GRM1: variants seen among roughly 807,000 people sequenced by gnomAD.
GRM1 encodes the protein glutamate metabotropic receptor 1.
In GRM1, 33 loss-of-function variants were observed where a neutral mutation model predicts 90.9. That is an observed-to-expected ratio of 0.36 (90% CI 0.28 to 0.49). The LOEUF (loss-of-function observed/expected upper bound fraction) is 0.49. GRM1 is among the 20% of genes least tolerant of loss of function. GRM1 has a pLI of 0.99. For missense variants in GRM1, 1,190 were observed against 1,534.3 expected (o/e 0.78, Z 3.75); for synonymous variants, 700 against 613.2 (o/e 1.14, Z -2.09).
intron 2 of GRM1, among the ~76,000 whole-genome samples, chr6:146,250,626 A>G (rs1488424616): frequency 1.3e-5 from 2 of 152,216 alleles, no homozygotes; most frequent in Non-Finnish European, 2.9e-5. Flanking sequence ...GTGTTTTCAC[A>G]CTGCTATAAA....
intron 5 of GRM1, among the ~76,000 whole-genome samples, chr6:146,368,173 C>T (rs1277058998): frequency 1.4e-5 from 2 of 147,710 alleles, no homozygotes; most frequent in Admixed American, 6.8e-5. Flanking sequence ...TCACTATTGG[C>T]ATATAGACAT....
intron 1 of GRM1, among the ~76,000 whole-genome samples, chr6:146,142,490 T>A (rs1776917007): frequency 6.6e-6 from 1 of 152,024 alleles, no homozygotes; most frequent in African/African-American, 2.4e-5. Flanking sequence ...GGGTGATGAG[T>A]TCCCCCAGGC....
Position 146,397,135 on chromosome 6 carries a change from G to A in GRM1, c.1730-1634G>A, listed in dbSNP as rs531118300. On this transcript the variant is annotated intron_variant, in intron 6 of 7. Transcript: ENST00000282753. The stretch of plus-strand genomic sequence containing the variant: ...GAGTCTTCAAAATTATCTTGGTGAA[G>A]CCTCTAGAAATATGAAACATGGTGA... Among the ~76,000 whole-genome samples the A allele has an allele frequency of 3.0e-4, 45 of 152,260 alleles. 1 individual carries two copies. In the South Asian group the frequency reaches 5.8e-3, roughly 20 times the overall value.
At chr6:146,422,025 G>A (rs1778013376) in intron 7 of GRM1, among the ~76,000 whole-genome samples, 1 of 152,154 alleles carries the variant, frequency 6.6e-6, no homozygotes, top group South Asian at 2.1e-4. Context: ...ATGGTCTTGA[G>A]TGGTGGCTGT....
chr6:146,066,221 C>A (rs1326764883), intron 1 of GRM1, among the ~76,000 whole-genome samples: 1 of 152,136 alleles, frequency 6.6e-6, no homozygotes, highest in Admixed American at 6.5e-5. Context: ...GTCTTCCTCC[C>A]TCCTTCCTCT....
intron 6 of GRM1, among the ~76,000 whole-genome samples, chr6:146,394,274 T>G (rs998567880): frequency 6.6e-6 from 1 of 152,138 alleles, no homozygotes; most frequent in African/African-American, 2.4e-5. Context: ...ATTATTGAGT[T>G]AGTGTGATGA....
chr6:146,355,988 G>A (rs1484152894), intron 4 of GRM1, among the ~76,000 whole-genome samples: 1 of 152,174 alleles, frequency 6.6e-6, no homozygotes, highest in Non-Finnish European at 1.5e-5. Flanking sequence ...ATCCCACTTT[G>A]CAGAACTAGT....
intron 2 of GRM1, among the ~76,000 whole-genome samples, chr6:146,278,510 T>C (rs1436878551): frequency 6.6e-6 from 1 of 152,202 alleles, no homozygotes. Context: ...GCGTGATAGC[T>C]CACTCCTGTA....
chr6:146,303,519 CA>C (rs1783468123), intron 2 of GRM1, among the ~76,000 whole-genome samples: 1 of 152,002 alleles, frequency 6.6e-6, no homozygotes, highest in African/African-American at 2.4e-5. Context: ...TTTCAGAAAC[CA>C]AGGAAGTTTT....
In GRM1 at chr6:146,331,651, G is replaced by A. The variant is rs117553589; in HGVS notation, c.1187-20599G>A. 9.3e-3 allele frequency among the ~76,000 whole-genome samples: 1,414 copies of A among 152,180 alleles called. 14 individuals carry two copies. The highest frequency in any genetic ancestry group is 0.012 in the South Asian group (56 of 4,816). ...TCTAGCATGCTGCTTACTAGGTATG[G>A]GTCTGGGAGCAAGGTCAATTTCATC... On this transcript the variant is annotated intron_variant, in intron 3 of 7. Transcript: ENST00000282753.
chr6:146,246,418 A>G (rs139988857), intron 2 of GRM1, among the ~76,000 whole-genome samples: 35 of 152,260 alleles, frequency 2.3e-4, no homozygotes, highest in African/African-American at 5.3e-4. Context: ...GCTCTTTGTA[A>G]TAGCTTTGGA....
At chr6:146,101,906 C>T (rs1777064840) in intron 1 of GRM1, among the ~76,000 whole-genome samples, 1 of 150,816 alleles carries the variant, frequency 6.6e-6, no homozygotes, top group African/African-American at 2.4e-5. Context: ...AAAATTAATA[C>T]CAACTTACTG....
In GRM1 at chr6:146,408,819, G is replaced by T. The variant is rs569788118; in HGVS notation, c.2660+9120G>T. On this transcript the variant is annotated intron_variant, in intron 7 of 7. Coordinates refer to ENST00000282753, the MANE Select transcript of GRM1 (RefSeq NM_001278064.2). ...CAGCTAAAGAAAGATGAGGTCATTTGCATCCCATCTGCTAGCCTTAGTGTC... is the reference window on the plus strand; with the variant it reads ...CAGCTAAAGAAAGATGAGGTCATTTTCATCCCATCTGCTAGCCTTAGTGTC... 2.0e-5 allele frequency among the ~76,000 whole-genome samples: 3 copies of T among 152,240 alleles called. No homozygotes were observed. In the South Asian group the frequency reaches 6.2e-4, roughly 32 times the overall value.
At chr6:146,250,269 G>A (rs183555442) in intron 2 of GRM1, among the ~76,000 whole-genome samples, 1 of 152,190 alleles carries the variant, frequency 6.6e-6, no homozygotes, top group Non-Finnish European at 1.5e-5. Flanking sequence ...AAGGGCCAGG[G>A]GTAGAATAGT....
intron 2 of GRM1, among the ~76,000 whole-genome samples, chr6:146,274,689 A>G (rs569857816): frequency 6.6e-6 from 1 of 152,318 alleles, no homozygotes; most frequent in Non-Finnish European, 1.5e-5. Context: ...ATCTCATTTC[A>G]ATGATATAGG....
At chr6:146,357,792 C>T (rs990569804) in intron 5 of GRM1, 98 bp downstream of exon 5, 3 of 988,798 alleles carry the variant, frequency 3.0e-6, no homozygotes, top group Non-Finnish European at 4.7e-6. Context: ...ACATAACTGT[C>T]TAGAAAGGGT....
At chr6:146,186,513 C>T (rs1418564501) in intron 2 of GRM1, among the ~76,000 whole-genome samples, 1 of 152,136 alleles carries the variant, frequency 6.6e-6, no homozygotes, top group Non-Finnish European at 1.5e-5. Context: ...CTACACAACA[C>T]AGATACTGTT....
At chr6:146,116,699 C>T (rs536818772) in intron 1 of GRM1, among the ~76,000 whole-genome samples, 1 of 152,070 alleles carries the variant, frequency 6.6e-6, no homozygotes, top group East Asian at 1.9e-4. Context: ...TAAAATTTAC[C>T]AGTTAAGTCA....
At chr6:146,296,753 C>G (rs987302808) in intron 2 of GRM1, among the ~76,000 whole-genome samples, 2 of 152,218 alleles carry the variant, frequency 1.3e-5, no homozygotes, top group Admixed American at 6.5e-5. Flanking sequence ...AGACATCACT[C>G]TTGTGCATGG....
Sources: gnomAD v4.1 joint callset for allele counts (sites outside exome capture counted in the v4.1 genomes callset) on GRCh38, gnomAD v4.1.1 for gene constraint, MANE v1.5 for transcripts, NCBI Gene and HGNC (gene_info 2026-07-23, HGNC 2026-07-21) for gene names.